The following ACACA variants were observed in gnomAD, a reference collection of about 807,000 sequenced individuals.
ACACA encodes acetyl-CoA carboxylase alpha.
Under a neutral mutation model 296.1 loss-of-function variants are expected in ACACA, and 103 were observed. The observed-to-expected ratio is 0.35, with a 90% CI of 0.30 to 0.41. The LOEUF is 0.41. ACACA is among the 10% of genes least tolerant of loss of function. The probability of loss-of-function intolerance (pLI) is 1.00; values close to 1 mark genes in which losing one functional copy is unlikely to be tolerated. For synonymous variants in ACACA, 953 were observed against 1,038.6 expected (o/e 0.92, Z 1.58); for missense variants, 1,554 against 2,989.7 (o/e 0.52, Z 11.20).
chr17:37,284,142 T>C (rs1457764756), intron 4 of ACACA, among the ~76,000 whole-genome samples: 1 of 152,182 alleles, frequency 6.6e-6, no homozygotes, highest in Non-Finnish European at 1.5e-5. Flanking sequence ...TTCAGCCAAG[T>C]CATCCTCTCA....
intron 43 of ACACA, among the ~76,000 whole-genome samples, chr17:37,151,818 C>T (rs1029325294): frequency 1.3e-5 from 2 of 152,156 alleles, no homozygotes; most frequent in East Asian, 1.9e-4. Context: ...CCCGCCACCA[C>T]GCCCGGCTAA....
intron 1 of ACACA, chr17:37,376,003 C>T (rs750011794): frequency 1.3e-4 from 141 of 1,114,466 alleles, no homozygotes; most frequent in Non-Finnish European, 1.8e-4. Flanking sequence ...GTTCCAGCTG[C>T]GTGTGGTGAA....
chr17:37,329,289 C>T (rs2047752107), intron 3 of ACACA, among the ~76,000 whole-genome samples: 1 of 152,180 alleles, frequency 6.6e-6, no homozygotes, highest in Non-Finnish European at 1.5e-5. Context: ...CAAAGTAGTA[C>T]AAAAACTGAT....
chr17:37,329,431 G>C (rs2047760131), intron 3 of ACACA, among the ~76,000 whole-genome samples: 1 of 152,114 alleles, frequency 6.6e-6, no homozygotes, highest in African/African-American at 2.4e-5. Context: ...CTTGAGGTCA[G>C]GAATTCGAGA....
intron 10 of ACACA, among the ~76,000 whole-genome samples, chr17:37,268,269 A>C (rs893902930): frequency 6.6e-5 from 10 of 152,198 alleles, no homozygotes; most frequent in African/African-American, 1.2e-4. Context: ...TAATAGAAAT[A>C]ATTTTAAGTT....
At chr17:37,090,874 TGGA>T (rs1450989481) in intron 54 of ACACA, among the ~76,000 whole-genome samples, 2 of 150,498 alleles carry the variant, frequency 1.3e-5, no homozygotes, top group African/African-American at 4.9e-5. Flanking sequence ...AAGATTGGGG[TGGA>T]GGGGAGGAAA....
Position 37,257,823 on chromosome 17 carries a change from C to T in ACACA, c.1706G>A (p.Arg569His), listed in dbSNP as rs781293486. The T allele has an allele frequency of 2.9e-5, 46 of 1,614,002 alleles. No homozygotes were observed. Among genetic ancestry groups the T allele is most frequent in the Non-Finnish European group, 3.4e-5 (40 of 1,180,026 alleles). ...ATATCCCCAAACATTCTTATTGCTG[C>T]GGAAATTTAGCTCCTGAACTGTTCC... ...SSGTVQELNF[R>H]SNKNVWGYFS... The change falls in exon 14 of 56, where the codon CGC (arginine) becomes CAC (histidine). Residue 569 changes from arginine (R) to histidine (H), a missense_variant. Physicochemically the swap from Arg to His is conservative, Grantham distance 29. Around this residue, in one of 16 missense-constraint regions of ACACA, gnomAD observed 35 missense variants for 139.4 expected, o/e 0.25. Coordinates refer to ENST00000616317, the MANE Select transcript of ACACA (RefSeq NM_198834.3).
rs149269645 is a variant in ACACA at position 37,214,731 on chromosome 17, A to C, written c.3684-4241T>G. 7.0e-4 allele frequency among the ~76,000 whole-genome samples: 106 copies of C among 152,330 alleles called. 3 individuals carry two copies. In the East Asian group the frequency reaches 0.017, roughly 24 times the overall value. Reference sequence around the variant, plus strand: ...TGGTAAGCACTTAAACCTGCTGAGAATCTTCTCTTCTGCCAGATACTTGCA... The same window carrying C: ...TGGTAAGCACTTAAACCTGCTGAGACTCTTCTCTTCTGCCAGATACTTGCA... On this transcript the variant is annotated intron_variant, in intron 29 of 55. Transcript: ENST00000616317.
intron 3 of ACACA, 110 bp downstream of exon 3, chr17:37,330,063 T>C (rs1216672724): frequency 1.6e-5 from 22 of 1,392,028 alleles, no homozygotes; most frequent in Admixed American, 1.6e-4. Flanking sequence ...TTCAGTGACA[T>C]AGGAAAAGGC....
chr17:37,263,360 A>G (rs1209021447), intron 11 of ACACA, among the ~76,000 whole-genome samples: 1 of 152,222 alleles, frequency 6.6e-6, no homozygotes. Context: ...AACCCAGCAA[A>G]TAAAACTACC....
chr17:37,398,229 C>CAAA (rs35921490), intron 1 of ACACA, among the ~76,000 whole-genome samples: 1 of 65,100 alleles, frequency 1.5e-5, no homozygotes, highest in Non-Finnish European at 3.0e-5. Flanking sequence ...GACTCTGTCT[C>CAAA]AAAAAAAAAA....
At chr17:37,146,142 T>C (rs1159464239) in intron 45 of ACACA, among the ~76,000 whole-genome samples, 1 of 152,114 alleles carries the variant, frequency 6.6e-6, no homozygotes. Flanking sequence ...CTGTTGGCTA[T>C]AAAAAGAAAT....
In ACACA at chr17:37,339,288, C is replaced by T. The variant is rs138440109; in HGVS notation, c.85+516G>A. On this transcript the variant is annotated intron_variant, in intron 2 of 55. Coordinates refer to ENST00000616317, the MANE Select transcript of ACACA (RefSeq NM_198834.3). ...CACAAAAGAGAAAATCCACAAGGCA[C>T]AATTCTTTGACTCCATGGGAGAAGA... is the stretch of plus-strand genomic sequence containing the variant. Among the ~76,000 whole-genome samples, 213 of 152,300 alleles carry T rather than the reference C, an allele frequency of 1.4e-3. 1 individual carries two copies. The highest frequency in any genetic ancestry group is 4.9e-3 in the African/African-American group (204 of 41,566).
At chr17:37,143,597 ATT>A (rs1209464403) in intron 45 of ACACA, 1 of 776,250 alleles carries the variant, frequency 1.3e-6, no homozygotes, top group African/African-American at 1.7e-5. Context: ...TTACATTTCA[ATT>A]TTTTTCTTTA....
chr17:37,283,479 A>G, intron 4 of ACACA, 74 bp from the exon 5 acceptor site: 1 of 1,517,170 alleles, frequency 6.6e-7, no homozygotes, highest in East Asian at 2.3e-5. Flanking sequence ...GAGATGAGAG[A>G]ATTTTTACAT....
chr17:37,235,235 G>C, intron 24 of ACACA, 136 bp from the exon 25 acceptor site: 1 of 1,150,770 alleles, frequency 8.7e-7, no homozygotes, highest in Non-Finnish European at 1.3e-6. Flanking sequence ...GGATGGATTT[G>C]TACAGAAACT....
chr17:37,088,698 G>A (rs1410002505), intron 55 of ACACA, among the ~76,000 whole-genome samples: 3 of 152,092 alleles, frequency 2.0e-5, no homozygotes, highest in African/African-American at 7.2e-5. Flanking sequence ...TAAGAGGTGG[G>A]CACAGTGAAT....
chr17:37,313,571 A>T (rs1464617573), intron 3 of ACACA, among the ~76,000 whole-genome samples: 2 of 152,220 alleles, frequency 1.3e-5, no homozygotes, highest in Non-Finnish European at 2.9e-5. Flanking sequence ...CTATATGAAA[A>T]GGCGCTTAAC....
At chr17:37,149,748 T>G in intron 45 of ACACA, 116 bp downstream of exon 45, 1 of 875,960 alleles carries the variant, frequency 1.1e-6, no homozygotes, top group Non-Finnish European at 1.9e-6. Flanking sequence ...GGGGAAGAGA[T>G]AGACTGAGGA....
Sources: allele counts gnomAD v4.1 joint callset (sites outside exome capture counted in the v4.1 genomes callset), GRCh38; gene constraint gnomAD v4.1.1; regional missense constraint gnomAD v4.1.1; transcripts MANE v1.5; gene names NCBI Gene and HGNC (gene_info 2026-07-23, HGNC 2026-07-21).